MCU: variants seen among roughly 807,000 people sequenced by gnomAD.
The protein encoded by MCU is calcium uniporter protein, mitochondrial.
A neutral mutation model predicts 45.2 loss-of-function variants in MCU; 12 were observed. That is an observed-to-expected ratio of 0.27 (90% CI 0.17 to 0.43). MCU has a LOEUF of 0.43. Ranked by LOEUF, MCU falls within the 20% of genes least tolerant of loss-of-function variation. The pLI is 1.00. For synonymous variants in MCU, 160 were observed against 165.1 expected (o/e 0.97, Z 0.24); for missense variants, 324 against 436.7 (o/e 0.74, Z 2.30).
chr10:72,704,811 T>C (rs949804278), intron 1 of MCU, among the ~76,000 whole-genome samples: 6 of 148,782 alleles, frequency 4.0e-5, no homozygotes, highest in East Asian at 2.0e-4. Context: ...ACCTCCTGGG[T>C]TCTGGTTCAA....
chr10:72,726,256 C>CGTGT (rs60826955), intron 1 of MCU, among the ~76,000 whole-genome samples: 18,218 of 145,442 alleles, frequency 0.13, 1,176 homozygotes, highest in Middle Eastern at 0.15. Flanking sequence ...CACACACACA[C>CGTGT]GTGTGTGTGT....
At chr10:72,793,165 C>A (rs530090104) in intron 1 of MCU, among the ~76,000 whole-genome samples, 1 of 152,262 alleles carries the variant, frequency 6.6e-6, no homozygotes, top group Non-Finnish European at 1.5e-5. Context: ...GTGTGAGCCA[C>A]CGTGCCTGGC....
intron 2 of MCU, among the ~76,000 whole-genome samples, chr10:72,855,576 T>A (rs1195225027): frequency 6.6e-6 from 1 of 152,104 alleles, no homozygotes; most frequent in Non-Finnish European, 1.5e-5. Flanking sequence ...ATTAGGACCC[T>A]GTCTCTAAAA....
chr10:72,808,130 A>G (rs2132795468), intron 1 of MCU, among the ~76,000 whole-genome samples: 1 of 152,324 alleles, frequency 6.6e-6, no homozygotes, highest in Middle Eastern at 3.4e-3. Context: ...CCACTAATGG[A>G]TATTAGGTTT....
At chr10:72,814,947 G>A (rs1282353694) in intron 1 of MCU, among the ~76,000 whole-genome samples, 1 of 152,114 alleles carries the variant, frequency 6.6e-6, no homozygotes, top group Non-Finnish European at 1.5e-5. Context: ...AAAAATAGAA[G>A]CATTAGAGAA....
intron 1 of MCU, among the ~76,000 whole-genome samples, chr10:72,738,849 C>T (rs1401625952): frequency 2.6e-5 from 4 of 152,146 alleles, no homozygotes; most frequent in African/African-American, 4.8e-5. Context: ...TGAGATGTGC[C>T]TTATGGTTCT....
chr10:72,810,068 T>C (rs998627732), intron 1 of MCU, among the ~76,000 whole-genome samples: 5 of 152,006 alleles, frequency 3.3e-5, no homozygotes, highest in Non-Finnish European at 7.4e-5. Flanking sequence ...GTGGACATAG[T>C]GTAGAACTAG....
intron 1 of MCU, among the ~76,000 whole-genome samples, chr10:72,703,112 G>A (rs1372111775): frequency 6.6e-6 from 1 of 152,234 alleles, no homozygotes; most frequent in Non-Finnish European, 1.5e-5. Flanking sequence ...AGCAGCCACT[G>A]GTTTGTTACA....
At chr10:72,843,118 T>G (rs1845070498) in intron 2 of MCU, among the ~76,000 whole-genome samples, 2 of 152,320 alleles carry the variant, frequency 1.3e-5, no homozygotes, top group Non-Finnish European at 2.9e-5. Flanking sequence ...AGGGATACAT[T>G]TGTTGTAACT....
At chr10:72,706,985 AC>A (rs1842829845) in intron 1 of MCU, among the ~76,000 whole-genome samples, 1 of 151,256 alleles carries the variant, frequency 6.6e-6, no homozygotes, top group Non-Finnish European at 1.5e-5. Context: ...ACATGCCACC[AC>A]GCCTGGCTAA....
At chr10:72,702,714 C>T (rs1044182417) in intron 1 of MCU, among the ~76,000 whole-genome samples, 3 of 152,176 alleles carry the variant, frequency 2.0e-5, no homozygotes, top group Non-Finnish European at 4.4e-5. Flanking sequence ...GCAGTGGCTA[C>T]GCCTGTAATC....
chr10:72,789,046 C>G (rs1484049734), intron 1 of MCU, among the ~76,000 whole-genome samples: 1 of 152,046 alleles, frequency 6.6e-6, no homozygotes, highest in Non-Finnish European at 1.5e-5. Context: ...GTAACTTGTT[C>G]ATTTTTGCTT....
chr10:72,772,082 C>T (rs908636478), intron 1 of MCU, among the ~76,000 whole-genome samples: 4 of 152,230 alleles, frequency 2.6e-5, no homozygotes, highest in African/African-American at 4.8e-5. Context: ...AGCACAGTGA[C>T]TGCCTGAAGG....
chr10:72,873,541 C>G (rs1272279185), intron 6 of MCU, among the ~76,000 whole-genome samples: 3 of 152,096 alleles, frequency 2.0e-5, no homozygotes, highest in African/African-American at 7.2e-5. Context: ...AATGTTTTCT[C>G]CCAGTTCTGT....
rs142910615 is a variant in MCU, at chr10:72,871,381, G to A, written c.662G>A (p.Arg221Gln). 185 of 1,613,826 alleles carry A rather than the reference G, an allele frequency of 1.1e-4. No individual in the cohort carries two copies. The highest frequency in any genetic ancestry group is 1.4e-4 in the Non-Finnish European group (161 of 1,179,858). The change falls in exon 6 of 8, where the codon CGA becomes CAA. Residue 221 changes from arginine to glutamine, a missense_variant. Around this residue, in one of 4 missense-constraint regions of MCU, gnomAD observed 135 missense variants for 207.3 expected, o/e 0.65. Coordinates refer to ENST00000373053, the MANE Select transcript of MCU (RefSeq NM_138357.3). Reference protein sequence around the residue: ...KEQLAPLEKVRIEISRKAEKR... With the variant: ...KEQLAPLEKVQIEISRKAEKR... ...ATGATTATGTGTGCCCAATAGGTAC[G>A]AATTGAGATTAGCAGAAAAGCTGAG...
At chr10:72,725,227 G>A (rs1187743565) in intron 1 of MCU, among the ~76,000 whole-genome samples, 3 of 151,932 alleles carry the variant, frequency 2.0e-5, no homozygotes, top group African/African-American at 7.3e-5. Flanking sequence ...CCGGGTTCCC[G>A]CCATTCTCCT....
intron 2 of MCU, among the ~76,000 whole-genome samples, chr10:72,843,461 C>G (rs1284262416): frequency 1.3e-5 from 2 of 152,116 alleles, no homozygotes; most frequent in Non-Finnish European, 2.9e-5. Flanking sequence ...TTTAAGTTTT[C>G]TCTATGTCTT....
At chr10:72,749,233 C>T (rs542360809) in intron 1 of MCU, among the ~76,000 whole-genome samples, 2 of 152,070 alleles carry the variant, frequency 1.3e-5, no homozygotes, top group Admixed American at 6.5e-5. Flanking sequence ...TACAGTGAGC[C>T]GTAATCATGC....
chr10:72,766,437 T>G (rs182059714), intron 1 of MCU: 3 of 152,154 alleles, frequency 2.0e-5, no homozygotes, highest in Non-Finnish European at 1.5e-5. Flanking sequence ...GTACAAAATA[T>G]GCAAGAAAAA....
Sources: gnomAD v4.1 joint callset for allele counts (sites outside exome capture counted in the v4.1 genomes callset) on GRCh38, gnomAD v4.1.1 for gene constraint, gnomAD v4.1.1 regional missense constraint, MANE v1.5 for transcripts, NCBI Gene and HGNC (gene_info 2026-07-23, HGNC 2026-07-21) for gene names.